Variants in SLC36A1 observed in about 807,000 individuals in gnomAD.
The protein encoded by SLC36A1 is proton-coupled amino acid transporter 1.
Under a neutral mutation model 47.5 loss-of-function variants are expected in SLC36A1, and 30 were observed. That is an observed-to-expected ratio of 0.63 (90% CI 0.47 to 0.86). The LOEUF (loss-of-function observed/expected upper bound fraction) is 0.86. Among genes scored for constraint, SLC36A1 ranks in the 40% least tolerant of loss-of-function variants. The pLI, the probability that SLC36A1 is intolerant of heterozygous loss-of-function variation, is 0.00. For synonymous variants in SLC36A1, 255 were observed against 249.7 expected, an observed-to-expected ratio of 1.02 and a Z score of -0.20; for missense variants, 517 against 606.0, an observed-to-expected ratio of 0.85 and a Z score of 1.54.
upstream of SLC36A1, among the ~76,000 whole-genome samples, chr5:151,445,333 A>C (rs962373411): frequency 2.8e-4 from 43 of 152,238 alleles, no homozygotes; most frequent in Non-Finnish European, 5.9e-4. Flanking sequence ...GATAAATCCC[A>C]CTTGGTCATG....
At chr5:151,522,042 G>T in the SLC36A1 span, 6 of 1,607,684 alleles carry the variant, frequency 3.7e-6, 1 homozygote, top group South Asian at 6.6e-5. Flanking sequence ...CATGGACACG[G>T]ACAGACGTCA....
chr5:151,462,794 AT>A (rs909227648), intron 2 of SLC36A1, among the ~76,000 whole-genome samples: 1 of 148,774 alleles, frequency 6.7e-6, no homozygotes, highest in Non-Finnish European at 1.5e-5. Context: ...TATTATTATT[AT>A]TTTTTAATTT....
the SLC36A1 span, among the ~76,000 whole-genome samples, chr5:151,363,473 A>G: frequency 6.6e-6 from 1 of 151,870 alleles, no homozygotes; most frequent in Non-Finnish European, 1.5e-5. Context: ...GAGTTCTGGG[A>G]TATCACTGGT....
At chr5:151,529,048 G>A in the SLC36A1 span, 1 of 740,226 alleles carries the variant, frequency 1.4e-6, no homozygotes, top group Non-Finnish European at 2.2e-6. Context: ...CCTCTGACAA[G>A]TCAGAGTCAA....
At position 151,491,814 on chromosome 5, in the gene SLC36A1, T is replaced by G. The variant is rs1217956174; in HGVS notation, c.*3560T>G. The G allele has an allele frequency of 1.3e-5, 2 of 152,408 alleles. No individual in the cohort carries two copies. Among genetic ancestry groups the G allele is most frequent in the Non-Finnish European group, 1.5e-5 (1 of 68,040 alleles). The allele number at this position is 152,408 out of a possible 1,614,324, so 9.4% of individuals were successfully genotyped here. The stretch of plus-strand genomic sequence containing the variant: ...TCCACTCTGCCTTAGAAGTTAATTT[T>G]CCAAAGTACATTACAAATCTCTGAG... On this transcript the variant is annotated 3_prime_UTR_variant, in exon 11 of 11. Coordinates refer to ENST00000243389, the MANE Select transcript of SLC36A1 (RefSeq NM_078483.4).
chr5:151,388,415 C>T, the SLC36A1 span, among the ~76,000 whole-genome samples: 69 of 147,768 alleles, frequency 4.7e-4, no homozygotes, highest in Middle Eastern at 0.01. Context: ...GCAGGAGAAT[C>T]GCTTGAATCT....
At chr5:151,394,477 C>T in the SLC36A1 span, among the ~76,000 whole-genome samples, 27 of 152,244 alleles carry the variant, frequency 1.8e-4, no homozygotes, top group African/African-American at 6.5e-4. Context: ...GGGAGAGGCT[C>T]TCTGATTTTT....
the SLC36A1 span, among the ~76,000 whole-genome samples, chr5:151,360,304 C>T: frequency 3.9e-5 from 6 of 152,068 alleles, no homozygotes; most frequent in African/African-American, 1.4e-4. Context: ...TTGATTAACG[C>T]ACACTTTGTA....
chr5:151,488,173 G>A lies in SLC36A1; in HGVS notation c.1350G>A (p.Val450=), dbSNP rs774370974. The A allele has an allele frequency of 7.4e-6, 12 of 1,614,142 alleles. No individual in the cohort carries two copies. Among genetic ancestry groups the A allele is most frequent in the Non-Finnish European group, 1.0e-5 (12 of 1,180,022 alleles). The change falls in exon 11 of 11, where the codon GTG becomes GTA. Residue 450 remains valine (V), a synonymous_variant. Transcript: ENST00000243389. ...ISILGFVGFV[V]GTYEALYELI... ...TCCTGGGCTTCGTGGGCTTTGTGGTGGGGACCTATGAGGCTCTCTATGAGC... is the reference window on the plus strand; with the variant it reads ...TCCTGGGCTTCGTGGGCTTTGTGGTAGGGACCTATGAGGCTCTCTATGAGC...
At chr5:151,513,731 C>A in the SLC36A1 span, among the ~76,000 whole-genome samples, 1 of 151,898 alleles carries the variant, frequency 6.6e-6, no homozygotes, top group Non-Finnish European at 1.5e-5. Flanking sequence ...GCATATGTAC[C>A]CCCGAAACTA....
the SLC36A1 span, among the ~76,000 whole-genome samples, chr5:151,356,621 T>C: frequency 1.3e-5 from 2 of 152,106 alleles, no homozygotes; most frequent in African/African-American, 2.4e-5. Context: ...AAATTCAACA[T>C]TGAAGTCCAG....
At chr5:151,447,896 C>G (rs1753060720) in intron 1 of SLC36A1, 83 bp downstream of exon 1, 1 of 152,344 alleles carries the variant, frequency 6.6e-6, no homozygotes, top group Non-Finnish European at 1.5e-5. Context: ...CGCTGACACC[C>G]CTCTGTGAAT....
intron 1 of SLC36A1, among the ~76,000 whole-genome samples, chr5:151,452,825 A>G (rs1220536725): frequency 2.7e-4 from 39 of 144,980 alleles, no homozygotes; most frequent in East Asian, 2.1e-3. Context: ...AGCCAAGATC[A>G]CACCATTGCA....
At chr5:151,543,503 T>G in the SLC36A1 span, 1 of 1,614,248 alleles carries the variant, frequency 6.2e-7, no homozygotes. Flanking sequence ...CGATCCAGTT[T>G]CTGCAGAGTG....
intron 10 of SLC36A1, among the ~76,000 whole-genome samples, chr5:151,485,872 A>G (rs1323531958): frequency 6.6e-6 from 1 of 152,218 alleles, no homozygotes; most frequent in Non-Finnish European, 1.5e-5. Flanking sequence ...AGCCTTTGAA[A>G]TGTGGCTAGT....
At chr5:151,411,316 G>C in the SLC36A1 span, among the ~76,000 whole-genome samples, 4 of 144,662 alleles carry the variant, frequency 2.8e-5, no homozygotes, top group African/African-American at 1.0e-4. Context: ...GATCTGCTCA[G>C]CAACCATCAC....
intron 10 of SLC36A1, among the ~76,000 whole-genome samples, chr5:151,485,370 G>C (rs961406219): frequency 2.6e-5 from 4 of 152,218 alleles, no homozygotes; most frequent in Non-Finnish European, 5.9e-5. Context: ...GTACCCGTTT[G>C]CTGTCAGGCT....
At chr5:151,522,140 C>T in the SLC36A1 span, 1 of 1,399,900 alleles carries the variant, frequency 7.1e-7, no homozygotes, top group East Asian at 2.5e-5. Context: ...TGCTCTTGCG[C>T]CCGACTGAGG....
intron 2 of SLC36A1, among the ~76,000 whole-genome samples, chr5:151,462,522 G>A (rs13164973): frequency 2.0e-5 from 3 of 151,676 alleles, no homozygotes; most frequent in Non-Finnish European, 4.4e-5. Flanking sequence ...CTGCCACCAC[G>A]CCCAGCTAAT....
Sources: allele counts gnomAD v4.1 joint callset (sites outside exome capture counted in the v4.1 genomes callset), GRCh38; gene constraint gnomAD v4.1.1; transcripts MANE v1.5; gene names NCBI Gene and HGNC (gene_info 2026-07-23, HGNC 2026-07-21).